Variants in BCAR3 observed in about 807,000 individuals in gnomAD.
The protein encoded by BCAR3 is BCAR3 adaptor protein, NSP family member.
A neutral mutation model predicts 80.1 loss-of-function variants in BCAR3; 37 were observed. That is an observed-to-expected ratio of 0.46 (90% CI 0.36 to 0.61). The LOEUF (loss-of-function observed/expected upper bound fraction) is 0.61. BCAR3 is among the 20% of genes least tolerant of loss of function. The pLI is 0.00. For missense variants in BCAR3, 978 were observed against 1,068.2 expected (o/e 0.92, Z 1.18); for synonymous variants, 389 against 418.9 (o/e 0.93, Z 0.87).
intron 2 of BCAR3, among the ~76,000 whole-genome samples, chr1:93,818,440 C>T (rs1654092084): frequency 6.6e-6 from 1 of 152,190 alleles, no homozygotes. Context: ...ACTGGTCTGA[C>T]TCAGTGCTGT....
chr1:93,666,687 A>G (rs1647929509), intron 2 of BCAR3, among the ~76,000 whole-genome samples: 1 of 152,260 alleles, frequency 6.6e-6, no homozygotes, highest in Non-Finnish European at 1.5e-5. Flanking sequence ...ACAATCAGGC[A>G]AAGGCTCGGG....
chr1:93,778,468 AG>A (rs1652651329), intron 2 of BCAR3, among the ~76,000 whole-genome samples: 4 of 152,320 alleles, frequency 2.6e-5, no homozygotes, highest in Non-Finnish European at 5.9e-5. Context: ...GAATAGTATC[AG>A]AATAATAATA....
At chr1:93,790,867 T>A (rs1204348213) in intron 2 of BCAR3, among the ~76,000 whole-genome samples, 1 of 80,484 alleles carries the variant, frequency 1.2e-5, no homozygotes, top group Non-Finnish European at 2.2e-5. Context: ...TGTGATCTCA[T>A]TGTTCAATTC....
intron 7 of BCAR3, among the ~76,000 whole-genome samples, chr1:93,577,250 C>T (rs1673495739): frequency 7.2e-6 from 1 of 139,210 alleles, no homozygotes; most frequent in South Asian, 2.4e-4. Flanking sequence ...GTCTAGCCAC[C>T]TGAACACACG....
At chr1:93,576,178 C>T in intron 7 of BCAR3, 49 bp from the exon 8 acceptor site, 1 of 1,433,374 alleles carries the variant, frequency 7.0e-7, no homozygotes, top group Non-Finnish European at 9.8e-7. Context: ...GTGGGCTTGC[C>T]TGATCATGAA....
Position 93,562,261 on chromosome 1 carries a change from C to G in BCAR3, c.2458G>C (p.Val820Leu), listed in dbSNP as rs900177332. 6.2e-7 allele frequency: 1 copy of G among 1,613,926 alleles called. No homozygotes were observed. Among genetic ancestry groups the G allele is most frequent in the Non-Finnish European group, 8.5e-7 (1 of 1,179,882 alleles). Residue 820 changes from valine to leucine, a missense_variant, in exon 12 of 12, where the codon GTA becomes CTA. Physicochemically the swap from Val to Leu is conservative, Grantham distance 32. Transcript: ENST00000260502. ...AGTTATCAAAGCTCTGCCTGCTTTA[C>G]AGGAGGAGGTTCCAATTTACGCGAG... ...ALSRKLEPPP[V>L]KQAEL
At chr1:93,617,699 A>G (rs189254902) in intron 3 of BCAR3, among the ~76,000 whole-genome samples, 9 of 152,334 alleles carry the variant, frequency 5.9e-5, no homozygotes, top group African/African-American at 2.2e-4. Context: ...TGCTGAACAA[A>G]GACAGCTTTA....
At chr1:93,651,764 T>C (rs755837664) in intron 2 of BCAR3, among the ~76,000 whole-genome samples, 3 of 151,990 alleles carry the variant, frequency 2.0e-5, no homozygotes, top group Non-Finnish European at 4.4e-5. Flanking sequence ...GCCAGGTAAC[T>C]CTCCCACTCT....
chr1:93,696,385 T>C (rs960939558), intron 3 of BCAR3, among the ~76,000 whole-genome samples: 2 of 152,076 alleles, frequency 1.3e-5, no homozygotes, highest in East Asian at 1.9e-4. Flanking sequence ...TCCCAGTCTC[T>C]CTCCATTTCT....
At chr1:93,700,445 G>T (rs1185279660) in intron 3 of BCAR3, among the ~76,000 whole-genome samples, 1 of 152,210 alleles carries the variant, frequency 6.6e-6, no homozygotes. Context: ...AGGATTACAG[G>T]CATGAGCCAC....
chr1:93,611,345 C>T (rs1674941172), intron 3 of BCAR3, among the ~76,000 whole-genome samples: 1 of 152,152 alleles, frequency 6.6e-6, no homozygotes, highest in Admixed American at 6.5e-5. Context: ...CATTCAACAC[C>T]CATTCTACAT....
At chr1:93,753,373 T>C (rs1651630799) in intron 2 of BCAR3, 1 of 152,220 alleles carries the variant, frequency 6.6e-6, no homozygotes, top group Non-Finnish European at 1.5e-5. Context: ...TATTGTTGGA[T>C]GGGATGTCTC....
At chr1:93,738,464 G>A (rs1418869290) in intron 2 of BCAR3, among the ~76,000 whole-genome samples, 2 of 152,216 alleles carry the variant, frequency 1.3e-5, no homozygotes, top group South Asian at 2.1e-4. Context: ...CTTGTGCTCC[G>A]CCCTCCCCCG....
chr1:93,709,827 A>G (rs1001681845), intron 2 of BCAR3, among the ~76,000 whole-genome samples: 4 of 152,232 alleles, frequency 2.6e-5, no homozygotes, highest in South Asian at 2.1e-4. Flanking sequence ...CTTTGCTGCT[A>G]TAACATAATC....
At chr1:93,564,266 T>C (rs1672830220) in intron 11 of BCAR3, among the ~76,000 whole-genome samples, 1 of 151,566 alleles carries the variant, frequency 6.6e-6, no homozygotes, top group Non-Finnish European at 1.5e-5. Context: ...TCATGCTTTT[T>C]GTGTCCTAAG....
At chr1:93,590,432 G>A (rs1026207647) in intron 4 of BCAR3, 2 of 152,144 alleles carry the variant, frequency 1.3e-5, no homozygotes, top group Non-Finnish European at 2.9e-5. Flanking sequence ...AGATTTAAGG[G>A]GCTAAAATGT....
chr1:93,788,375 T>C (rs1232135029), intron 2 of BCAR3, among the ~76,000 whole-genome samples: 1 of 152,202 alleles, frequency 6.6e-6, no homozygotes, highest in Non-Finnish European at 1.5e-5. Flanking sequence ...TACCCTGTTA[T>C]TTTTCATTGT....
At chr1:93,798,971 CAG>C (rs1488974217) in intron 2 of BCAR3, among the ~76,000 whole-genome samples, 1 of 152,020 alleles carries the variant, frequency 6.6e-6, no homozygotes, top group East Asian at 1.9e-4. Context: ...ATGTGTGGAG[CAG>C]AGAGTAAAAG....
At chr1:93,789,383 C>T (rs1653059822) in intron 2 of BCAR3, among the ~76,000 whole-genome samples, 1 of 152,230 alleles carries the variant, frequency 6.6e-6, no homozygotes, top group African/African-American at 2.4e-5. Context: ...GCTAAGCCCT[C>T]CCTATGGGGG....
Sources: gnomAD v4.1 joint callset for allele counts (sites outside exome capture counted in the v4.1 genomes callset) on GRCh38, gnomAD v4.1.1 for gene constraint, MANE v1.5 for transcripts, NCBI Gene and HGNC (gene_info 2026-07-23, HGNC 2026-07-21) for gene names.